The following ATRNL1 variants were observed in gnomAD, a reference collection of about 807,000 sequenced individuals.
The protein encoded by ATRNL1 is attractin-like protein 1.
A neutral mutation model predicts 182.7 loss-of-function variants in ATRNL1; 95 were observed. The observed-to-expected ratio is 0.52, with a 90% CI of 0.44 to 0.62. The LOEUF is 0.62. Ranked by LOEUF, ATRNL1 falls within the 20% of genes least tolerant of loss-of-function variation. ATRNL1 has a pLI of 0.00. For missense variants in ATRNL1, 1,471 were observed against 1,679.5 expected, an observed-to-expected ratio of 0.88 and a Z score of 2.17; for synonymous variants, 576 against 568.3, an observed-to-expected ratio of 1.01 and a Z score of -0.19.
chr10:115,243,169 G>T (rs1161734209), intron 10 of ATRNL1, among the ~76,000 whole-genome samples: 1 of 152,050 alleles, frequency 6.6e-6, no homozygotes, highest in Non-Finnish European at 1.5e-5. Context: ...TTTTGCAAAA[G>T]GTTCTTCAAG....
At chr10:115,733,567 C>A (rs1243669693) in intron 27 of ATRNL1, among the ~76,000 whole-genome samples, 2 of 152,126 alleles carry the variant, frequency 1.3e-5, no homozygotes, top group African/African-American at 2.4e-5. Flanking sequence ...CAAAGTGAAG[C>A]AGCTGTCCTA....
At chr10:115,614,654 C>T (rs1857338193) in intron 26 of ATRNL1, among the ~76,000 whole-genome samples, 1 of 151,986 alleles carries the variant, frequency 6.6e-6, no homozygotes, top group Admixed American at 6.6e-5. Flanking sequence ...ATATTGCTGT[C>T]TATATTGGTC....
intron 17 of ATRNL1, among the ~76,000 whole-genome samples, chr10:115,310,538 A>G (rs1554927471): frequency 6.6e-6 from 1 of 151,852 alleles, no homozygotes; most frequent in Non-Finnish European, 1.5e-5. Context: ...CAGGATTTTG[A>G]TTTCTTCCTA....
chr10:115,538,063 A>G (rs1852142729), intron 25 of ATRNL1, among the ~76,000 whole-genome samples: 1 of 152,164 alleles, frequency 6.6e-6, no homozygotes, highest in African/African-American at 2.4e-5. Context: ...GTAGTATTTC[A>G]TTATATGGAT....
chr10:115,563,452 A>G (rs1451302137), intron 26 of ATRNL1, among the ~76,000 whole-genome samples: 1 of 152,152 alleles, frequency 6.6e-6, no homozygotes, highest in Non-Finnish European at 1.5e-5. Flanking sequence ...TTACAGGGGA[A>G]TTTGTTTGCT....
At chr10:115,536,931 A>G (rs907511786) in intron 25 of ATRNL1, among the ~76,000 whole-genome samples, 4 of 151,940 alleles carry the variant, frequency 2.6e-5, no homozygotes, top group African/African-American at 9.7e-5. Context: ...AACAATGTGT[A>G]AGGACACTGT....
At position 115,303,182 on chromosome 10, in the gene ATRNL1, G is replaced by A. The variant is rs1564894144; in HGVS notation, c.2818+1139G>A. ...CAGTAGTTACCATTCTACCACCATAGAAAGCTGCAGAATCACCTGAGATAA... is the reference window on the plus strand; with the variant it reads ...CAGTAGTTACCATTCTACCACCATAAAAAGCTGCAGAATCACCTGAGATAA... On this transcript the variant is annotated intron_variant, in intron 17 of 28. Coordinates refer to ENST00000355044, the MANE Select transcript of ATRNL1 (RefSeq NM_207303.4). 3.4e-5 allele frequency among the ~76,000 whole-genome samples: 5 copies of A among 147,022 alleles called. No homozygotes were observed. The South Asian group carries it at 1.1e-3, about 32-fold the overall frequency.
At chr10:115,476,600 A>C (rs1326125650) in intron 24 of ATRNL1, among the ~76,000 whole-genome samples, 1 of 151,262 alleles carries the variant, frequency 6.6e-6, no homozygotes, top group Non-Finnish European at 1.5e-5. Flanking sequence ...AGGTCCCTTT[A>C]CTGACCCTTT....
intron 21 of ATRNL1, among the ~76,000 whole-genome samples, chr10:115,431,052 C>G (rs1554963832): frequency 6.6e-6 from 1 of 152,092 alleles, no homozygotes; most frequent in Non-Finnish European, 1.5e-5. Context: ...GTTAGTGTCT[C>G]TTATGTTCTT....
chr10:115,167,541 T>A (rs1308027594), intron 7 of ATRNL1, among the ~76,000 whole-genome samples: 1 of 152,050 alleles, frequency 6.6e-6, no homozygotes, highest in African/African-American at 2.4e-5. Context: ...TGTTTGGTTT[T>A]CATTTTGAAT....
intron 25 of ATRNL1, among the ~76,000 whole-genome samples, chr10:115,548,977 G>T (rs1320073514): frequency 1.3e-5 from 2 of 151,862 alleles, no homozygotes; most frequent in Non-Finnish European, 2.9e-5. Context: ...CATACATAAA[G>T]GTTATTTAAT....
intron 26 of ATRNL1, among the ~76,000 whole-genome samples, chr10:115,602,808 C>T (rs59095894): frequency 6.6e-6 from 1 of 151,182 alleles, no homozygotes; most frequent in African/African-American, 2.4e-5. Flanking sequence ...GAGCAGAGAT[C>T]GCGCCACTGC....
At chr10:115,616,237 A>T (rs912794772) in intron 26 of ATRNL1, among the ~76,000 whole-genome samples, 7 of 152,160 alleles carry the variant, frequency 4.6e-5, no homozygotes, top group Non-Finnish European at 1.0e-4. Flanking sequence ...CTTGGTAATG[A>T]TGATTTAGGT....
At chr10:115,114,069 G>A (rs55636443) in intron 1 of ATRNL1, among the ~76,000 whole-genome samples, 3,068 of 152,078 alleles carry the variant, frequency 0.02, 102 homozygotes, top group African/African-American at 0.069. Context: ...TTGACCCATG[G>A]AACAGGATAG....
At chr10:115,552,505 TA>T (rs1853050142) in intron 26 of ATRNL1, among the ~76,000 whole-genome samples, 1 of 151,398 alleles carries the variant, frequency 6.6e-6, no homozygotes, top group Admixed American at 6.6e-5. Flanking sequence ...GCAGTTATAC[TA>T]GTTGCTTTTC....
chr10:115,873,064 G>A lies in ATRNL1; in HGVS notation c.4018+25073G>A, dbSNP rs148419731. On this transcript the variant is annotated intron_variant, in intron 28 of 28. Transcript: ENST00000355044. ...AGGTAAGTACCCTGAAATGGGAGACGATAGCCGTGCGATAGCTGAGCATAA... is the reference window on the plus strand; with the variant it reads ...AGGTAAGTACCCTGAAATGGGAGACAATAGCCGTGCGATAGCTGAGCATAA... 9.3e-3 allele frequency among the ~76,000 whole-genome samples: 1,422 copies of A among 152,314 alleles called. 18 individuals are homozygous for A. Among genetic ancestry groups the A allele is most frequent in the Non-Finnish European group, 0.011 (722 of 68,036 alleles).
At chr10:115,497,507 T>G (rs1849607752) in intron 24 of ATRNL1, among the ~76,000 whole-genome samples, 1 of 152,078 alleles carries the variant, frequency 6.6e-6, no homozygotes, top group South Asian at 2.1e-4. Flanking sequence ...TGGGTCACAT[T>G]TTTTCCTTGA....
In ATRNL1 at chr10:115,696,870, C is replaced by CGAGAGAGAGAGAGAGAGAGA. The variant is rs138252590; in HGVS notation, c.3796-30368_3796-30349dup. Among the ~76,000 whole-genome samples, 262 of 134,010 alleles carry CGAGAGAGAGAGAGAGAGAGA rather than the reference C, an allele frequency of 2.0e-3. 1 individual carries two copies. The highest frequency in any genetic ancestry group is 5.2e-3 in the African/African-American group (184 of 35,588). 87.9% of individuals were successfully genotyped at this position (134,010 alleles called of 152,430 possible). ...CAGGTACAGTCATCACATATCAGAG[C>CGAGAGAGAGAGAGAGAGAGA]GAGAGAGAGAGAGAGAGAGAGAGAG... On this transcript the variant is annotated intron_variant, in intron 26 of 28. Transcript: ENST00000355044.
chr10:115,232,953 C>G (rs1850021493), intron 9 of ATRNL1, among the ~76,000 whole-genome samples: 1 of 152,124 alleles, frequency 6.6e-6, no homozygotes, highest in African/African-American at 2.4e-5. Flanking sequence ...GGCTAAAAGT[C>G]TGAAATCCAG....
Sources: gnomAD v4.1 joint callset for allele counts (sites outside exome capture counted in the v4.1 genomes callset) on GRCh38, gnomAD v4.1.1 for gene constraint, MANE v1.5 for transcripts, NCBI Gene and HGNC (gene_info 2026-07-23, HGNC 2026-07-21) for gene names.